The following NKAIN2 variants were observed in gnomAD, a reference collection of about 807,000 sequenced individuals.
NKAIN2 encodes sodium/potassium transporting ATPase interacting 2.
Under a neutral mutation model 32.6 loss-of-function variants are expected in NKAIN2, and 14 were observed. The ratio of observed to expected loss-of-function variants is 0.43; its 90% CI spans 0.28 to 0.67. NKAIN2 has a LOEUF of 0.67. Ranked by LOEUF, NKAIN2 falls within the 30% of genes least tolerant of loss-of-function variation. The probability of loss-of-function intolerance (pLI) is 0.17; values close to 1 mark genes in which losing one functional copy is unlikely to be tolerated. For missense variants in NKAIN2, 198 were observed against 258.3 expected, an observed-to-expected ratio of 0.77 and a Z score of 1.60; for synonymous variants, 80 against 87.2, an observed-to-expected ratio of 0.92 and a Z score of 0.46.
In NKAIN2 at chr6:123,894,960, G is replaced by A. The variant is rs144992152; in HGVS notation, c.54+90706G>A. The stretch of plus-strand genomic sequence containing the variant: ...CCTCGGGAAAAAGATGTATTTTAAA[G>A]AAATACAGACCGGAAGTGGATCTAT... On this transcript the variant is annotated intron_variant, in intron 1 of 6. Coordinates refer to ENST00000368417, the MANE Select transcript of NKAIN2 (RefSeq NM_001040214.3). Among the ~76,000 whole-genome samples the A allele has an allele frequency of 4.9e-3, 739 of 152,132 alleles. 5 individuals carry two copies. The highest frequency in any genetic ancestry group is 0.017 in the African/African-American group (703 of 41,514).
chr6:124,567,288 T>C (rs1026526013), intron 3 of NKAIN2, among the ~76,000 whole-genome samples: 3 of 152,238 alleles, frequency 2.0e-5, no homozygotes, highest in African/African-American at 7.2e-5. Context: ...TCTAAATTCA[T>C]GATCACCAAT....
At chr6:123,980,168 C>A (rs902135930) in intron 1 of NKAIN2, among the ~76,000 whole-genome samples, 7 of 152,118 alleles carry the variant, frequency 4.6e-5, no homozygotes, top group African/African-American at 1.7e-4. Context: ...AGCCAGAATT[C>A]TTCTTGCTAA....
intron 4 of NKAIN2, among the ~76,000 whole-genome samples, chr6:124,742,397 T>C (rs748487243): frequency 6.6e-6 from 1 of 151,684 alleles, no homozygotes; most frequent in African/African-American, 2.4e-5. Context: ...CCAATGGACA[T>C]AGAAGCTCTT....
At chr6:124,496,143 G>A (rs1778055329) in intron 3 of NKAIN2, among the ~76,000 whole-genome samples, 1 of 152,082 alleles carries the variant, frequency 6.6e-6, no homozygotes, top group African/African-American at 2.4e-5. Flanking sequence ...TAGCAGCCAA[G>A]TCACACCTCA....
intron 1 of NKAIN2, among the ~76,000 whole-genome samples, chr6:124,118,123 A>G (rs991508953): frequency 2.0e-5 from 3 of 152,126 alleles, no homozygotes; most frequent in Non-Finnish European, 4.4e-5. Context: ...TGATGCTATC[A>G]TAGGAATAGA....
intron 3 of NKAIN2, among the ~76,000 whole-genome samples, chr6:124,654,183 T>TA (rs1461289829): frequency 2.6e-5 from 4 of 152,076 alleles, no homozygotes; most frequent in Non-Finnish European, 5.9e-5. Flanking sequence ...GAAACAGTTA[T>TA]AAAAAATGAA....
At chr6:123,831,364 G>A (rs922805937) in intron 1 of NKAIN2, among the ~76,000 whole-genome samples, 2 of 150,776 alleles carry the variant, frequency 1.3e-5, no homozygotes, top group Non-Finnish European at 3.0e-5. Context: ...CTTTTATATA[G>A]CCATGATTCT....
At chr6:124,663,164 C>T (rs1290575643) in intron 4 of NKAIN2, among the ~76,000 whole-genome samples, 9 of 152,256 alleles carry the variant, frequency 5.9e-5, no homozygotes, top group African/African-American at 9.6e-5. Context: ...TGGTGGCTCA[C>T]GCCTGTAATC....
At chr6:124,064,956 A>G (rs1441732583) in intron 1 of NKAIN2, among the ~76,000 whole-genome samples, 5 of 152,018 alleles carry the variant, frequency 3.3e-5, no homozygotes, top group Non-Finnish European at 7.4e-5. Context: ...CTGGAGGTTT[A>G]TCTATATCTT....
At chr6:123,885,136 T>C (rs1190759474) in intron 1 of NKAIN2, among the ~76,000 whole-genome samples, 2 of 152,198 alleles carry the variant, frequency 1.3e-5, no homozygotes, top group Non-Finnish European at 2.9e-5. Context: ...CATTTAGCAA[T>C]GTATTAACAT....
At chr6:123,984,719 T>G (rs866822438) in intron 1 of NKAIN2, among the ~76,000 whole-genome samples, 7 of 152,170 alleles carry the variant, frequency 4.6e-5, no homozygotes, top group Middle Eastern at 3.2e-3. Context: ...GAGTTAAGAT[T>G]TAAAACATTT....
At chr6:124,360,836 C>T (rs536203103) in intron 3 of NKAIN2, among the ~76,000 whole-genome samples, 1 of 152,234 alleles carries the variant, frequency 6.6e-6, no homozygotes, top group South Asian at 2.1e-4. Context: ...TCCTAGATGT[C>T]CTGTTAAGGA....
intron 4 of NKAIN2, among the ~76,000 whole-genome samples, chr6:124,787,554 C>T (rs113576967): frequency 1.3e-5 from 2 of 151,994 alleles, no homozygotes; most frequent in African/African-American, 4.8e-5. Context: ...AGTTAAGGAA[C>T]AGAGAAGGAA....
intron 1 of NKAIN2, among the ~76,000 whole-genome samples, chr6:124,014,965 C>T (rs1780494085): frequency 1.3e-5 from 2 of 152,266 alleles, no homozygotes; most frequent in Middle Eastern, 3.4e-3. Flanking sequence ...TATACATACA[C>T]TCTTACACAC....
chr6:124,584,463 C>A (rs1781635390), intron 3 of NKAIN2, among the ~76,000 whole-genome samples: 2 of 151,862 alleles, frequency 1.3e-5, no homozygotes, highest in South Asian at 2.1e-4. Flanking sequence ...ATCAGCCTGG[C>A]CAACATTGTG....
At chr6:124,724,489 G>A (rs1157846231) in intron 4 of NKAIN2, among the ~76,000 whole-genome samples, 1 of 152,178 alleles carries the variant, frequency 6.6e-6, no homozygotes, top group Non-Finnish European at 1.5e-5. Context: ...TGACCTGCCT[G>A]CCTTCATTGC....
At chr6:124,044,771 G>A (rs1006350177) in intron 1 of NKAIN2, among the ~76,000 whole-genome samples, 2 of 152,040 alleles carry the variant, frequency 1.3e-5, no homozygotes, top group African/African-American at 4.8e-5. Flanking sequence ...TTTCTTCTGA[G>A]TGCAGATCAG....
At chr6:124,726,770 G>A (rs960826623) in intron 4 of NKAIN2, among the ~76,000 whole-genome samples, 30 of 142,186 alleles carry the variant, frequency 2.1e-4, no homozygotes, top group African/African-American at 7.6e-4. Context: ...AGCTATGGGA[G>A]GACATTCAAA....
intron 2 of NKAIN2, among the ~76,000 whole-genome samples, chr6:124,324,356 CT>C (rs201882327): frequency 1.3e-5 from 2 of 151,862 alleles, no homozygotes; most frequent in East Asian, 3.9e-4. Flanking sequence ...TATCTGAGGC[CT>C]TTTTTTAGCA....
Sources: allele counts gnomAD v4.1 joint callset (sites outside exome capture counted in the v4.1 genomes callset), GRCh38; gene constraint gnomAD v4.1.1; transcripts MANE v1.5; gene names NCBI Gene and HGNC (gene_info 2026-07-23, HGNC 2026-07-21).